CDC14A: variants seen among roughly 807,000 people sequenced by gnomAD.
CDC14A encodes the protein cell division cycle 14A, also known as dual specificity protein phosphatase CDC14A.
A neutral mutation model predicts 74.4 loss-of-function variants in CDC14A; 53 were observed. The ratio of observed to expected loss-of-function variants is 0.71; its 90% CI spans 0.57 to 0.89. CDC14A has a LOEUF of 0.89. CDC14A is among the 40% of genes least tolerant of loss of function. The pLI is 0.00. For missense variants in CDC14A, 646 were observed against 713.7 expected (o/e 0.91, Z 1.08); for synonymous variants, 247 against 258.4 (o/e 0.96, Z 0.43).
chr1:100,383,148 G>A lies in CDC14A; in HGVS notation c.216+5527G>A, dbSNP rs540998015. On this transcript the variant is annotated intron_variant, in intron 3 of 15. Coordinates refer to ENST00000336454, the MANE Select transcript of CDC14A (RefSeq NM_003672.4). ...CAAAGCAATGTCAACTCCCATAGGAGCGAGCATATACCGAGTTTGCAAGGC... is the reference window on the plus strand; with the variant it reads ...CAAAGCAATGTCAACTCCCATAGGAACGAGCATATACCGAGTTTGCAAGGC... Among the ~76,000 whole-genome samples, 4 of 152,168 alleles carry A rather than the reference G, an allele frequency of 2.6e-5. No homozygotes were observed. The South Asian group carries it at 8.3e-4, about 31-fold the overall frequency.
At chr1:100,395,318 C>G (rs1658320181) in intron 4 of CDC14A, among the ~76,000 whole-genome samples, 1 of 152,198 alleles carries the variant, frequency 6.6e-6, no homozygotes, top group Admixed American at 6.5e-5. Context: ...TTTATTGTGA[C>G]AAAACAGAAG....
upstream of CDC14A, among the ~76,000 whole-genome samples, chr1:100,350,374 T>A (rs1650839857): frequency 1.3e-5 from 2 of 152,250 alleles, no homozygotes; most frequent in African/African-American, 4.8e-5. Flanking sequence ...ATTACAGGTG[T>A]GAGCCACCAT....
intron 15 of CDC14A, among the ~76,000 whole-genome samples, chr1:100,503,465 T>A: frequency 6.6e-6 from 1 of 152,234 alleles, no homozygotes; most frequent in East Asian, 1.9e-4. Flanking sequence ...AGCATCTCTT[T>A]TGAAAGCTGC....
chr1:100,443,326 A>C (rs915266207), intron 7 of CDC14A, among the ~76,000 whole-genome samples: 19 of 152,018 alleles, frequency 1.2e-4, no homozygotes, highest in African/African-American at 4.6e-4. Context: ...ATAAAACTGA[A>C]TTTGTACCTT....
intron 7 of CDC14A, among the ~76,000 whole-genome samples, chr1:100,450,895 G>A (rs72974034): frequency 0.016 from 2,421 of 152,228 alleles, 66 homozygotes; most frequent in African/African-American, 0.056. Flanking sequence ...TAACACAAGC[G>A]TTCGTAAAAC....
chr1:100,367,594 T>A (rs1337479171), intron 2 of CDC14A, among the ~76,000 whole-genome samples: 3 of 152,230 alleles, frequency 2.0e-5, no homozygotes, highest in Non-Finnish European at 4.4e-5. Flanking sequence ...GTAAGTATTG[T>A]ATCAAATGAC....
chr1:100,468,597 G>A (rs1668079017), intron 10 of CDC14A, among the ~76,000 whole-genome samples: 1 of 152,196 alleles, frequency 6.6e-6, no homozygotes, highest in South Asian at 2.1e-4. Context: ...CTGAGTTTTA[G>A]TTCTGGCTCT....
chr1:100,520,028 G>A lies in CDC14A; in HGVS notation c.*1748G>A, dbSNP rs1650555794. 1 of 152,362 alleles carries A rather than the reference G, an allele frequency of 6.6e-6. No homozygotes were observed. Among genetic ancestry groups the A allele is most frequent in the Non-Finnish European group, 1.5e-5 (1 of 67,910 alleles). 9.4% of individuals were successfully genotyped at this position (152,362 alleles called of 1,614,324 possible). ...TACTGTAAATTTCCCATAATTATGT[G>A]TGTATATGTGTCATATGTATGTACA... On this transcript the variant is annotated 3_prime_UTR_variant, in exon 16 of 16. Transcript: ENST00000336454.
intron 2 of CDC14A, among the ~76,000 whole-genome samples, chr1:100,363,951 G>A (rs1653169890): frequency 6.6e-6 from 1 of 152,086 alleles, no homozygotes; most frequent in South Asian, 2.1e-4. Flanking sequence ...GCAACATGCT[G>A]AAACCCTGTC....
chr1:100,391,194 C>T (rs747317702), intron 4 of CDC14A: 4 of 258,706 alleles, frequency 1.5e-5, no homozygotes, highest in South Asian at 8.6e-5. Flanking sequence ...AAAGACTTGA[C>T]GTGTTCGTTT....
chr1:100,446,896 G>A (rs949322965), intron 7 of CDC14A, among the ~76,000 whole-genome samples: 1 of 151,880 alleles, frequency 6.6e-6, no homozygotes, highest in Non-Finnish European at 1.5e-5. Context: ...ATGGGGTTTC[G>A]CCATGTTGCC....
At chr1:100,417,716 TTACCCC>T (rs1322530382) in intron 4 of CDC14A, among the ~76,000 whole-genome samples, 5 of 152,366 alleles carry the variant, frequency 3.3e-5, no homozygotes, top group Non-Finnish European at 7.3e-5. Flanking sequence ...AAAGTTCATT[TTACCCC>T]TCTTTTGGGC....
chr1:100,499,279 C>A lies in CDC14A; in HGVS notation c.1755+17C>A. 6.2e-7 allele frequency: 1 copy of A among 1,614,192 alleles called. No homozygotes were observed. The highest frequency in any genetic ancestry group is 8.5e-7 in the Non-Finnish European group (1 of 1,180,020). Reference sequence around the variant, plus strand: ...TCTATCCCTGTAAGTGCGCAGACACCACCTCCTGGTCCTCAGAACCCTGAA... The same window carrying A: ...TCTATCCCTGTAAGTGCGCAGACACAACCTCCTGGTCCTCAGAACCCTGAA... On this transcript the variant is annotated intron_variant, in intron 15 of 15. Coordinates refer to ENST00000336454, the MANE Select transcript of CDC14A (RefSeq NM_003672.4).
chr1:100,417,851 T>C (rs1330344922), intron 4 of CDC14A, among the ~76,000 whole-genome samples: 1 of 152,226 alleles, frequency 6.6e-6, no homozygotes, highest in Non-Finnish European at 1.5e-5. Flanking sequence ...AAAGTAGCTG[T>C]TCATTAAACA....
chr1:100,349,198 G>GA (rs991142923), upstream of CDC14A, among the ~76,000 whole-genome samples: 208 of 137,886 alleles, frequency 1.5e-3, 1 homozygote, highest in East Asian at 0.014. Flanking sequence ...TCCGTCTAGA[G>GA]AAAAAAAAAA....
chr1:100,389,459 A>AT (rs1431115961), intron 3 of CDC14A, among the ~76,000 whole-genome samples: 16 of 140,826 alleles, frequency 1.1e-4, no homozygotes, highest in African/African-American at 4.9e-4. Context: ...CTCAAAAAAA[A>AT]AAAATATATA....
At chr1:100,486,840 C>T (rs547169247) in intron 11 of CDC14A, among the ~76,000 whole-genome samples, 8 of 152,200 alleles carry the variant, frequency 5.3e-5, no homozygotes, top group Non-Finnish European at 1.0e-4. Flanking sequence ...CCTAGGACTA[C>T]TTTATTAGCT....
chr1:100,393,051 G>A, intron 4 of CDC14A: 1 of 1,402,578 alleles, frequency 7.1e-7, no homozygotes, highest in South Asian at 1.2e-5. Flanking sequence ...CTTGCCGGAT[G>A]TTTTCTTTGT....
chr1:100,505,875 G>A (rs1183972703), intron 15 of CDC14A, among the ~76,000 whole-genome samples: 3 of 152,156 alleles, frequency 2.0e-5, no homozygotes, highest in Non-Finnish European at 4.4e-5. Flanking sequence ...GGCTTTGCGT[G>A]AGTCCTCAGG....
Sources: gnomAD v4.1 joint callset for allele counts (sites outside exome capture counted in the v4.1 genomes callset) on GRCh38, gnomAD v4.1.1 for gene constraint, MANE v1.5 for transcripts, NCBI Gene and HGNC (gene_info 2026-07-23, HGNC 2026-07-21) for gene names.